The following CERS6 variants were observed in gnomAD, a reference collection of about 807,000 sequenced individuals.
CERS6 encodes the protein LAG1 homolog, ceramide synthase 6.
Under a neutral mutation model 56.8 loss-of-function variants are expected in CERS6, and 26 were observed. The ratio of observed to expected loss-of-function variants is 0.46; its 90% CI spans 0.34 to 0.63. CERS6 has a LOEUF of 0.63. Among genes scored for constraint, CERS6 ranks in the 30% least tolerant of loss-of-function variants. The probability of loss-of-function intolerance (pLI) is 0.01; values close to 1 mark genes in which losing one functional copy is unlikely to be tolerated. For missense variants in CERS6, 415 were observed against 467.5 expected (o/e 0.89, Z 1.04); for synonymous variants, 164 against 173.3 (o/e 0.95, Z 0.42).
rs1042776764 is a variant in CERS6, at chr2:168,649,277, T to A, written c.465+18235T>A. 4.1e-4 allele frequency among the ~76,000 whole-genome samples: 59 copies of A among 144,240 alleles called. 1 individual carries two copies. Among genetic ancestry groups the A allele is most frequent in the Non-Finnish European group, 5.4e-4 (37 of 67,964 alleles). The allele number at this position is 144,240 out of a possible 152,430, so 94.6% of individuals were successfully genotyped here. On this transcript the variant is annotated intron_variant, in intron 4 of 9. Coordinates refer to ENST00000305747, the MANE Select transcript of CERS6 (RefSeq NM_203463.3). ...CAGAAGGAAACAGTCTCAGAGAGGT[T>A]ATGTAACCTTAAGTGACAGAGCTGG...
At chr2:168,675,014 T>C (rs752290216) in intron 4 of CERS6, among the ~76,000 whole-genome samples, 4 of 151,898 alleles carry the variant, frequency 2.6e-5, no homozygotes, top group Non-Finnish European at 5.9e-5. Flanking sequence ...TCTTGCTGTG[T>C]CGCCAGGCTG....
At chr2:168,723,901 G>A (rs1683262881) in intron 8 of CERS6, among the ~76,000 whole-genome samples, 1 of 152,306 alleles carries the variant, frequency 6.6e-6, no homozygotes, top group Middle Eastern at 3.4e-3. Context: ...GCAAACATAT[G>A]AATAGGTTTA....
intron 6 of CERS6, among the ~76,000 whole-genome samples, chr2:168,697,056 G>A (rs1030949806): frequency 6.6e-6 from 1 of 152,146 alleles, no homozygotes; most frequent in African/African-American, 2.4e-5. Context: ...CAGCTGAAAA[G>A]CGTTTAGGAG....
chr2:168,602,301 G>T (rs1008765676), intron 3 of CERS6, among the ~76,000 whole-genome samples: 5 of 152,126 alleles, frequency 3.3e-5, no homozygotes, highest in African/African-American at 1.2e-4. Flanking sequence ...ATGTCTGAGT[G>T]CAACTAAGAT....
intron 3 of CERS6, among the ~76,000 whole-genome samples, chr2:168,618,334 C>A (rs1344097545): frequency 6.6e-6 from 1 of 152,130 alleles, no homozygotes; most frequent in Non-Finnish European, 1.5e-5. Flanking sequence ...GGCAAGGATG[C>A]CCACTTTCAC....
At chr2:168,481,374 A>G (rs1397185360) in intron 1 of CERS6, among the ~76,000 whole-genome samples, 2 of 152,176 alleles carry the variant, frequency 1.3e-5, no homozygotes, top group Non-Finnish European at 2.9e-5. Context: ...AGACTGTGCC[A>G]CTGCACTCCA....
chr2:168,731,532 A>C (rs925279842), intron 8 of CERS6, among the ~76,000 whole-genome samples: 3 of 152,122 alleles, frequency 2.0e-5, no homozygotes, highest in Non-Finnish European at 4.4e-5. Flanking sequence ...TTTGTATGCT[A>C]CTGAAGGGAA....
intron 3 of CERS6, among the ~76,000 whole-genome samples, chr2:168,629,266 C>T (rs1190830273): frequency 3.9e-5 from 6 of 152,146 alleles, no homozygotes; most frequent in Admixed American, 3.9e-4. Context: ...CTGATCACTA[C>T]CTACTAACAA....
chr2:168,480,083 G>A (rs751211695), intron 1 of CERS6, among the ~76,000 whole-genome samples: 6 of 152,232 alleles, frequency 3.9e-5, no homozygotes, highest in Non-Finnish European at 8.8e-5. Flanking sequence ...AATTAAGGCA[G>A]TAAAGTGCTT....
chr2:168,670,813 T>G (rs1210598038), intron 4 of CERS6, among the ~76,000 whole-genome samples: 2 of 152,162 alleles, frequency 1.3e-5, no homozygotes, highest in Non-Finnish European at 2.9e-5. Context: ...ATACTGTGTA[T>G]TTTTGCTTAT....
chr2:168,752,453 T>C (rs940971011), intron 8 of CERS6, among the ~76,000 whole-genome samples: 2 of 152,166 alleles, frequency 1.3e-5, no homozygotes, highest in Admixed American at 6.5e-5. Flanking sequence ...AATGTGCTGC[T>C]GATAGCTTTC....
Position 168,717,853 on chromosome 2 carries a change from A to C in CERS6, c.739-19A>C. ...ATCAGTTTAACTACATTAATATATC[A>C]CATTCCTTTCTTTCATAGGCTGCCA... On this transcript the variant is annotated intron_variant, in intron 7 of 9. Transcript: ENST00000305747. 1 of 1,571,688 alleles carries C rather than the reference A, an allele frequency of 6.4e-7. No individual in the cohort carries two copies. Among genetic ancestry groups the C allele is most frequent in the African/African-American group, 1.4e-5 (1 of 74,070 alleles).
chr2:168,741,975 C>G (rs896927446), intron 8 of CERS6, among the ~76,000 whole-genome samples: 1 of 152,142 alleles, frequency 6.6e-6, no homozygotes, highest in East Asian at 1.9e-4. Flanking sequence ...ATTGAGGTCC[C>G]GCCCAACTTC....
In CERS6 at chr2:168,502,344, G is replaced by A. The variant is rs567064860; in HGVS notation, c.171-45252G>A. Among the ~76,000 whole-genome samples, 4 of 152,190 alleles carry A rather than the reference G, an allele frequency of 2.6e-5. No individual in the cohort carries two copies. The East Asian group carries it at 5.8e-4, about 22-fold the overall frequency. On this transcript the variant is annotated intron_variant, in intron 1 of 9. Coordinates refer to ENST00000305747, the MANE Select transcript of CERS6 (RefSeq NM_203463.3). Reference sequence around the variant, plus strand: ...GTCTTTTGTGAGACAGTCAGAGTATGGAAAGGACATCTTCAGATAAGGAAG... The same window carrying A: ...GTCTTTTGTGAGACAGTCAGAGTATAGAAAGGACATCTTCAGATAAGGAAG...
At chr2:168,476,753 A>G (rs1259048274) in intron 1 of CERS6, among the ~76,000 whole-genome samples, 1 of 152,060 alleles carries the variant, frequency 6.6e-6, no homozygotes. Context: ...CAGGAGAGAC[A>G]GGAAATCCTT....
chr2:168,644,106 AG>A (rs1685112563), intron 4 of CERS6: 1 of 985,120 alleles, frequency 1.0e-6, no homozygotes, highest in Non-Finnish European at 1.2e-6. Context: ...ACAGGCTAAT[AG>A]GAGATATGAC....
intron 6 of CERS6, among the ~76,000 whole-genome samples, chr2:168,703,607 T>G (rs377333552): frequency 3.3e-5 from 5 of 152,032 alleles, no homozygotes; most frequent in Non-Finnish European, 7.4e-5. Context: ...TGCCTCACAT[T>G]GCATCAGCAT....
chr2:168,749,614 A>G (rs1684203007), intron 8 of CERS6, among the ~76,000 whole-genome samples: 1 of 47,756 alleles, frequency 2.1e-5, no homozygotes, highest in Non-Finnish European at 4.1e-5. Flanking sequence ...GCCCTTCTGC[A>G]GCTCTGAGAA....
chr2:168,562,841 G>T (rs1348626433), intron 3 of CERS6, among the ~76,000 whole-genome samples: 1 of 152,172 alleles, frequency 6.6e-6, no homozygotes, highest in African/African-American at 2.4e-5. Flanking sequence ...ATGGGAGAAG[G>T]ATTTATGTAT....
Sources: gnomAD v4.1 joint callset for allele counts (sites outside exome capture counted in the v4.1 genomes callset) on GRCh38, gnomAD v4.1.1 for gene constraint, MANE v1.5 for transcripts, NCBI Gene and HGNC (gene_info 2026-07-23, HGNC 2026-07-21) for gene names.